The following ZNF658 variants were observed in gnomAD, a reference collection of about 807,000 sequenced individuals.
The protein encoded by ZNF658 is zinc finger protein 658.
In ZNF658, 46 loss-of-function variants were observed where a neutral mutation model predicts 78.0. The observed-to-expected ratio is 0.59, with a 90% confidence interval of 0.47 to 0.75. The LOEUF (loss-of-function observed/expected upper bound fraction) is 0.75. Ranked by LOEUF, ZNF658 falls within the 30% of genes least tolerant of loss-of-function variation. The pLI is 0.00. For missense variants in ZNF658, 785 were observed against 1,189.3 expected, an observed-to-expected ratio of 0.66 and a Z score of 5.00; for synonymous variants, 279 against 408.4, an observed-to-expected ratio of 0.68 and a Z score of 3.82.
chr9:66,903,890 A>T (rs1424427956), intron 2 of ZNF658, among the ~76,000 whole-genome samples: 2 of 152,126 alleles, frequency 1.3e-5, no homozygotes, highest in African/African-American at 4.8e-5. Flanking sequence ...ATGGAATATA[A>T]ACATAAAGAT....
At chr9:66,905,222 T>C (rs1008972760) in intron 2 of ZNF658, among the ~76,000 whole-genome samples, 6 of 151,442 alleles carry the variant, frequency 4.0e-5, no homozygotes, top group Non-Finnish European at 7.4e-5. Context: ...ATTCCAGACA[T>C]TCACCACCAT....
chr9:66,910,116 G>A (rs1822178371), intron 4 of ZNF658, among the ~76,000 whole-genome samples: 2 of 152,092 alleles, frequency 1.3e-5, no homozygotes, highest in Non-Finnish European at 1.5e-5. Context: ...CCTCCTTGAA[G>A]GCCTTGTCTG....
Position 66,919,058 on chromosome 9 carries a change from G to A in ZNF658, c.1492G>A (p.Glu498Lys). Reference sequence around the variant, plus strand: ...AGAGATGGAACTCTGTGGTGGCAGTGAATATGGGAAGACATCACATCTCAA... The same window carrying A: ...AGAGATGGAACTCTGTGGTGGCAGTAAATATGGGAAGACATCACATCTCAA... Reference protein sequence around the residue: ...DAEMELCGGSEYGKTSHLKGH... With the variant: ...DAEMELCGGSKYGKTSHLKGH... Residue 498 changes from glutamate to lysine, a missense_variant, in exon 5 of 5, where the codon GAA becomes AAA. By Grantham distance (56) the Glu-to-Lys change is moderately conservative. This residue lies in a region of ZNF658 where 393 missense variants were observed against 400.2 expected (regional missense o/e 0.98). Coordinates refer to ENST00000621410, the MANE Select transcript of ZNF658 (RefSeq NM_033160.7). 7.7e-6 allele frequency: 5 copies of A among 650,884 alleles called. No homozygotes were observed. The highest frequency in any genetic ancestry group is 1.2e-5 in the Non-Finnish European group (5 of 410,622). The allele number at this position is 650,884 out of a possible 1,614,324, so 40.3% of individuals were successfully genotyped here.
chr9:66,916,420 A>G (rs1822337068), intron 4 of ZNF658, among the ~76,000 whole-genome samples: 1 of 149,976 alleles, frequency 6.7e-6, no homozygotes, highest in Non-Finnish European at 1.5e-5. Context: ...CATCCTCTGT[A>G]TAATTTATTT....
At chr9:66,914,173 G>T (rs1192670366) in intron 4 of ZNF658, among the ~76,000 whole-genome samples, 1 of 150,902 alleles carries the variant, frequency 6.6e-6, no homozygotes, top group Non-Finnish European at 1.5e-5. Flanking sequence ...TATCCCTACT[G>T]ATTTATTTAC....
chr9:66,916,081 G>C (rs1822329380), intron 4 of ZNF658, among the ~76,000 whole-genome samples: 2 of 148,498 alleles, frequency 1.3e-5, no homozygotes, highest in African/African-American at 5.0e-5. Context: ...GTAGAGAAGG[G>C]GTTTCACCAT....
At position 66,918,752 on chromosome 9, in the gene ZNF658, A is replaced by G. The variant is rs1471616335; in HGVS notation, c.1186A>G (p.Lys396Glu). 6.2e-7 allele frequency: 1 copy of G among 1,613,986 alleles called. No homozygotes were observed. Among genetic ancestry groups the G allele is most frequent in the East Asian group, 2.2e-5 (1 of 44,880 alleles). The change falls in exon 5 of 5, where the codon AAA (lysine) becomes GAA (glutamate). Residue 396 changes from lysine (K) to glutamate (E), a missense_variant. Coordinates refer to ENST00000621410, the MANE Select transcript of ZNF658 (RefSeq NM_033160.7). ...GAAATGCAGAAAATCCTTTTACCGG[A>G]AAGCACACCTCATTCAGCATCAGAG... ...HGKCRKSFYR[K>E]AHLIQHQRPH... is the part of the protein sequence containing the mutation.
At chr9:66,909,579 T>C (rs1822165038) in intron 4 of ZNF658, among the ~76,000 whole-genome samples, 1 of 151,838 alleles carries the variant, frequency 6.6e-6, no homozygotes, top group African/African-American at 2.4e-5. Context: ...TTGTGTATAT[T>C]CCTAGGAGTG....
At position 66,915,053 on chromosome 9, in the gene ZNF658, G is replaced by GCA. The variant is rs10608839; in HGVS notation, c.239-2713_239-2712dup. On this transcript the variant is annotated intron_variant, in intron 4 of 4. Transcript: ENST00000621410. ...GGTCCAGAAGTTGTTCTTTGGAATT[G>GCA]CACACACACACACACACACACACAC... 5.1e-3 allele frequency among the ~76,000 whole-genome samples: 736 copies of GCA among 144,112 alleles called. 7 individuals are homozygous for GCA. Among genetic ancestry groups the GCA allele is most frequent in the African/African-American group, 0.014 (545 of 38,322 alleles). 94.5% of individuals were successfully genotyped at this position (144,112 alleles called of 152,430 possible).
chr9:66,928,717 A>T (rs1302610298), intron 6 of ZNF658, among the ~76,000 whole-genome samples: 1 of 146,926 alleles, frequency 6.8e-6, no homozygotes, highest in Non-Finnish European at 1.5e-5. Context: ...AAAAATAGCC[A>T]GGAGATTTAC....
rs1287066112 is a variant in ZNF658 at position 66,920,376 on chromosome 9, C to T, written c.2810C>T (p.Pro937Leu). 6.2e-7 allele frequency: 1 copy of T among 1,613,010 alleles called. No individual in the cohort carries two copies. The highest frequency in any genetic ancestry group is 8.5e-7 in the Non-Finnish European group (1 of 1,179,874). ...CAGAGAGTTCATACGGGGGAGAAAC[C>T]CTACGAATGTAATGTATGTGGGAAG... The part of the protein sequence containing the change: ...AHQRVHTGEK[P>L]YECNVCGKPF... The change falls in exon 5 of 5, where the codon CCC becomes CTC. Residue 937 changes from proline (P) to leucine (L), a missense_variant. Physicochemically the swap from Pro to Leu is moderately conservative, Grantham distance 98 (BLOSUM62 -3). Around this residue, in one of 12 missense-constraint regions of ZNF658, gnomAD observed 85 missense variants for 108.6 expected, o/e 0.78. Coordinates refer to ENST00000621410, the MANE Select transcript of ZNF658 (RefSeq NM_033160.7).
downstream of ZNF658, among the ~76,000 whole-genome samples, chr9:66,922,473 T>A (rs1822542874): frequency 7.6e-6 from 1 of 131,610 alleles, no homozygotes; most frequent in Non-Finnish European, 1.6e-5. Flanking sequence ...TTGGCCATCT[T>A]GGAACCTCCC....
chr9:66,920,844 C>G lies in ZNF658; in HGVS notation c.*98C>G, dbSNP rs1270017355. 1.5e-5 allele frequency: 10 copies of G among 660,626 alleles called. No individual in the cohort carries two copies. In the East Asian group the frequency reaches 2.3e-4, roughly 15 times the overall value. 40.9% of individuals were successfully genotyped at this position (660,626 alleles called of 1,614,324 possible). On this transcript the variant is annotated 3_prime_UTR_variant, in exon 5 of 5. Coordinates refer to ENST00000621410, the MANE Select transcript of ZNF658 (RefSeq NM_033160.7). ...TATCCATTTCCTTTTTCATTAGGCT[C>G]ATAGTTTGTGGAAAAATCCCAATAT...
At chr9:66,901,050 G>C (rs1051963379) in intron 1 of ZNF658, 2 of 152,312 alleles carry the variant, frequency 1.3e-5, no homozygotes, top group Non-Finnish European at 2.9e-5. Flanking sequence ...GGAAATGTGC[G>C]TGGATGAGGT....
rs1209194838 is a variant in ZNF658, at chr9:66,931,033, C to T, written c.*55-992C>T. Reference sequence around the variant, plus strand: ...GGAAGATCCTGGGGATAGTTAAGCACATGAGAAATGATTATTGGGGTTCTC... The same window carrying T: ...GGAAGATCCTGGGGATAGTTAAGCATATGAGAAATGATTATTGGGGTTCTC... On this transcript the variant is annotated intron_variant and NMD_transcript_variant, in intron 6 of 6. Transcript: ENST00000622180. Among the ~76,000 whole-genome samples the T allele has an allele frequency of 3.3e-5, 5 of 152,140 alleles. 1 individual carries two copies. The highest frequency in any genetic ancestry group is 6.8e-3 in the Middle Eastern group (2 of 294).
chr9:66,901,673 G>A (rs1165875056), intron 1 of ZNF658, among the ~76,000 whole-genome samples: 3 of 152,120 alleles, frequency 2.0e-5, no homozygotes, highest in South Asian at 4.2e-4. Context: ...GGCCAGGTGC[G>A]GTGGCTCATG....
intron 4 of ZNF658, 25 bp from the exon 5 acceptor site, chr9:66,917,780 A>G (rs745771251): frequency 2.6e-5 from 28 of 1,077,840 alleles, no homozygotes; most frequent in Non-Finnish European, 3.4e-5. Context: ...GATTTATACT[A>G]TATTTTCAAT....
chr9:66,922,256 A>G (rs113873676), downstream of ZNF658, among the ~76,000 whole-genome samples: 35,458 of 150,366 alleles, frequency 0.24, 4,464 homozygotes, highest in Middle Eastern at 0.43. Context: ...TGTCAGGGCT[A>G]CCCTTGGCTA....
chr9:66,925,356 A>G (rs928560708), downstream of ZNF658, among the ~76,000 whole-genome samples: 1 of 152,134 alleles, frequency 6.6e-6, no homozygotes, highest in African/African-American at 2.4e-5. Context: ...ACATTTAAAC[A>G]TCAAACAGTG....
Sources: gnomAD v4.1 joint callset for allele counts (sites outside exome capture counted in the v4.1 genomes callset) on GRCh38, gnomAD v4.1.1 for gene constraint, gnomAD v4.1.1 regional missense constraint, MANE v1.5 for transcripts, NCBI Gene and HGNC (gene_info 2026-07-23, HGNC 2026-07-21) for gene names.